Variants in PTPN4 observed in about 807,000 individuals in gnomAD.
PTPN4 encodes protein tyrosine phosphatase non-receptor type 4, also known as tyrosine-protein phosphatase non-receptor type 4.
Under a neutral mutation model 135.5 loss-of-function variants are expected in PTPN4, and 49 were observed. The observed-to-expected ratio is 0.36, with a 90% confidence interval of 0.29 to 0.46. The LOEUF is 0.46. Among genes scored for constraint, PTPN4 ranks in the 20% least tolerant of loss-of-function variants. PTPN4 has a pLI of 1.00. For synonymous variants in PTPN4, 333 were observed against 369.9 expected (o/e 0.90, Z 1.14); for missense variants, 860 against 1,101.0 (o/e 0.78, Z 3.10).
intron 1 of PTPN4, among the ~76,000 whole-genome samples, chr2:119,786,922 C>T (rs1361405034): frequency 6.6e-6 from 1 of 152,202 alleles, no homozygotes; most frequent in African/African-American, 2.4e-5. Context: ...CTGGTCCTAC[C>T]TGGCTTTAGG....
chr2:119,790,047 T>C (rs1299926100), intron 1 of PTPN4, among the ~76,000 whole-genome samples: 29 of 152,152 alleles, frequency 1.9e-4, no homozygotes, highest in Admixed American at 1.9e-3. Context: ...TCATTTCTAA[T>C]TTTATTCCAT....
At chr2:119,778,934 ATTTC>A (rs1212641653) in intron 1 of PTPN4, among the ~76,000 whole-genome samples, 1 of 152,198 alleles carries the variant, frequency 6.6e-6, no homozygotes, top group Non-Finnish European at 1.5e-5. Flanking sequence ...GTCGTATACC[ATTTC>A]TTAAATAAGA....
intron 13 of PTPN4, among the ~76,000 whole-genome samples, chr2:119,929,313 T>C (rs1678867878): frequency 6.6e-6 from 1 of 152,106 alleles, no homozygotes; most frequent in African/African-American, 2.4e-5. Flanking sequence ...ATTATTAAGT[T>C]ATTTTATTAA....
chr2:119,924,009 C>A (rs1441752548), intron 12 of PTPN4, among the ~76,000 whole-genome samples: 1 of 151,722 alleles, frequency 6.6e-6, no homozygotes, highest in Non-Finnish European at 1.5e-5. Flanking sequence ...TAGTGGTGGG[C>A]ACCTGTAGTC....
intron 2 of PTPN4, among the ~76,000 whole-genome samples, chr2:119,836,225 G>A (rs796509859): frequency 1.1e-4 from 16 of 152,294 alleles, no homozygotes; most frequent in African/African-American, 3.4e-4. Flanking sequence ...GACGAATCAA[G>A]TTCATTATTA....
chr2:119,954,400 G>C (rs72840425), intron 19 of PTPN4, among the ~76,000 whole-genome samples: 3,165 of 152,230 alleles, frequency 0.021, 59 homozygotes, highest in Non-Finnish European at 0.033. Context: ...TCTGGGTCCA[G>C]ATAACCCTGA....
chr2:119,854,980 A>G (rs1489112578), intron 2 of PTPN4, among the ~76,000 whole-genome samples: 2 of 152,154 alleles, frequency 1.3e-5, no homozygotes, highest in East Asian at 3.9e-4. Flanking sequence ...TTGTGCTACT[A>G]CTGAGGTTTT....
At position 119,962,628 on chromosome 2, in the gene PTPN4, C is replaced by T; in HGVS notation, c.2293C>T (p.Gln765Ter). 6.7e-7 allele frequency: 1 copy of T among 1,496,764 alleles called. No homozygotes were observed. The highest frequency in any genetic ancestry group is 1.4e-5 in the South Asian group (1 of 70,072). 92.7% of individuals were successfully genotyped at this position (1,496,764 alleles called of 1,614,324 possible). ...QVERGRVKCH[Q>*]YWPEPTGSSS... ...ATATCAATATCAGGTTAAATGTCAC[C>T]AATATTGGCCAGAACCCACAGGCAG... The change falls in exon 24 of 27, where the codon CAA (glutamine) becomes TAA (stop). Residue 765 changes from glutamine to a stop codon, truncating the protein, a stop_gained. Transcript: ENST00000263708. LOFTEE classifies it high-confidence loss of function.
rs1186119128 is a variant in PTPN4, at chr2:119,760,302, C to T, written c.-100C>T. On this transcript the variant is annotated 5_prime_UTR_variant, in exon 1 of 27. The change creates a new upstream start codon in the 5' untranslated region. Coordinates refer to ENST00000263708, the MANE Select transcript of PTPN4 (RefSeq NM_002830.4). ...GCTGAGGTAGCCCCCCGGAGCGGCA[C>T]GGAGGACGCGCTTCTCCTCTGCGCG... 2 of 395,580 alleles carry T rather than the reference C, an allele frequency of 5.1e-6. No homozygotes were observed. The highest frequency in any genetic ancestry group is 2.1e-5 in the African/African-American group (1 of 48,460). 24.5% of individuals were successfully genotyped at this position (395,580 alleles called of 1,614,324 possible). A position where few individuals can be genotyped will look rare whatever the true frequency, so the allele number is the denominator to read the frequency against.
chr2:119,903,853 ACCACAACCTCTACACC>A (rs1353385979), intron 10 of PTPN4, among the ~76,000 whole-genome samples: 1 of 151,784 alleles, frequency 6.6e-6, no homozygotes, highest in Admixed American at 6.6e-5. Context: ...ATACAGCTTC[ACCACAACCTCTACACC>A]CTAAGCCACT....
At chr2:119,925,187 A>AG (rs1678803621) in intron 12 of PTPN4, among the ~76,000 whole-genome samples, 2 of 152,106 alleles carry the variant, frequency 1.3e-5, no homozygotes, top group African/African-American at 4.8e-5. Context: ...TATCCCCATG[A>AG]CTATTAAAGC....
chr2:119,930,862 C>T (rs2105036468), intron 13 of PTPN4, among the ~76,000 whole-genome samples: 1 of 150,272 alleles, frequency 6.7e-6, no homozygotes, highest in East Asian at 1.9e-4. Flanking sequence ...GAAGTGTATA[C>T]ATAGTACATG....
chr2:119,932,292 T>G, intron 13 of PTPN4, 132 bp from the exon 14 acceptor site: 1 of 898,176 alleles, frequency 1.1e-6, no homozygotes, highest in Non-Finnish European at 1.6e-6. Context: ...CTAAATGCAT[T>G]AATTTTTTAC....
intron 13 of PTPN4, among the ~76,000 whole-genome samples, chr2:119,931,433 CTTTTTTT>C (rs1158907026): frequency 5.1e-3 from 428 of 83,342 alleles, no homozygotes; most frequent in Non-Finnish European, 8.3e-3. Flanking sequence ...TTCTTTCTTT[CTTTTTTT>C]TTTTTTTTTT....
rs1679641400 is a variant in PTPN4, at chr2:119,977,925, G to A, written c.*855G>A. ...ACATTCGTATATTTTTATGCATTTT[G>A]AATAAGTTCACATTTTAAAAAACAG... On this transcript the variant is annotated 3_prime_UTR_variant, in exon 27 of 27. Transcript: ENST00000263708. 1.3e-5 allele frequency: 2 copies of A among 152,230 alleles called. No individual in the cohort carries two copies. The highest frequency in any genetic ancestry group is 3.4e-3 in the Middle Eastern group (1 of 294). The allele number at this position is 152,230 out of a possible 1,614,324, so 9.4% of individuals were successfully genotyped here. A position where few individuals can be genotyped will look rare whatever the true frequency, so the allele number is the denominator to read the frequency against.
intron 2 of PTPN4, among the ~76,000 whole-genome samples, chr2:119,848,260 G>A (rs1677536576): frequency 6.7e-6 from 1 of 149,474 alleles, no homozygotes; most frequent in Non-Finnish European, 1.5e-5. Flanking sequence ...TGCAAGCTCC[G>A]CCTCCCGGAT....
intron 1 of PTPN4, among the ~76,000 whole-genome samples, chr2:119,766,473 T>C (rs1163497543): frequency 6.8e-4 from 86 of 125,966 alleles, no homozygotes; most frequent in Middle Eastern, 3.9e-3. Flanking sequence ...TGTGTGTGTG[T>C]GTGTGTGTGT....
intron 2 of PTPN4, among the ~76,000 whole-genome samples, chr2:119,848,964 G>A (rs1677549747): frequency 6.6e-6 from 1 of 152,070 alleles, no homozygotes; most frequent in Admixed American, 6.5e-5. Context: ...CAAGTTTGCT[G>A]ATTATCTTTT....
chr2:119,776,252 T>G (rs1690834218), intron 1 of PTPN4, among the ~76,000 whole-genome samples: 1 of 152,334 alleles, frequency 6.6e-6, no homozygotes, highest in Middle Eastern at 3.4e-3. Context: ...CTTGGCTCAC[T>G]GCAAGCTACG....
Sources: gnomAD v4.1 joint callset for allele counts (sites outside exome capture counted in the v4.1 genomes callset) on GRCh38, gnomAD v4.1.1 for gene constraint, MANE v1.5 for transcripts, NCBI Gene and HGNC (gene_info 2026-07-23, HGNC 2026-07-21) for gene names.